NRXN3: variants seen among roughly 807,000 people sequenced by gnomAD.
The protein encoded by NRXN3 is neurexin 3.
NRXN3 carries 32 observed loss-of-function variants against 137.6 expected under a neutral mutation model. The observed-to-expected ratio is 0.23, with a 90% CI of 0.18 to 0.31. The LOEUF is 0.31. Among genes scored for constraint, NRXN3 ranks in the 10% least tolerant of loss-of-function variants. The probability of loss-of-function intolerance (pLI) is 1.00; values close to 1 mark genes in which losing one functional copy is unlikely to be tolerated. For synonymous variants in NRXN3, 798 were observed against 784.5 expected, an observed-to-expected ratio of 1.02 and a Z score of -0.29; for missense variants, 1,574 against 2,062.5, an observed-to-expected ratio of 0.76 and a Z score of 4.59.
At chr14:79,712,968 T>C (rs1478255043) in intron 19 of NRXN3, among the ~76,000 whole-genome samples, 1 of 152,280 alleles carries the variant, frequency 6.6e-6, no homozygotes, top group East Asian at 1.9e-4. Flanking sequence ...AGTAAAATCA[T>C]TGAGACATTG....
intron 15 of NRXN3, among the ~76,000 whole-genome samples, chr14:79,175,788 C>G (rs1430242890): frequency 6.6e-6 from 1 of 152,220 alleles, no homozygotes; most frequent in African/African-American, 2.4e-5. Flanking sequence ...CTTCTGGGTT[C>G]TGTTGCTGGC....
chr14:78,850,995 A>G (rs915226451), intron 10 of NRXN3, among the ~76,000 whole-genome samples: 1 of 152,134 alleles, frequency 6.6e-6, no homozygotes, highest in African/African-American at 2.4e-5. Context: ...AAGATTCTGT[A>G]TTTATTCTCT....
chr14:78,656,435 A>G (rs1160550677), intron 6 of NRXN3, among the ~76,000 whole-genome samples: 8 of 152,156 alleles, frequency 5.3e-5, no homozygotes, highest in Admixed American at 5.2e-4. Context: ...GAGGTAGAGC[A>G]TGTTCTGGTG....
rs1199035026 is a variant in NRXN3, at chr14:78,428,517, C to G, written c.757+130657C>G. The stretch of plus-strand genomic sequence containing the variant: ...TAGGATGTGTATGTATAATATGCCT[C>G]TCTCCTATTGAGAGAGAGTGAAAGA... On this transcript the variant is annotated intron_variant, in intron 4 of 20. Coordinates refer to ENST00000335750, the MANE Select transcript of NRXN3 (RefSeq NM_001330195.2). Among the ~76,000 whole-genome samples the G allele has an allele frequency of 2.0e-5, 3 of 152,276 alleles. No homozygotes were observed. The East Asian group carries it at 5.8e-4, about 29-fold the overall frequency.
At chr14:78,962,934 G>A (rs566792951) in intron 11 of NRXN3, among the ~76,000 whole-genome samples, 4 of 151,996 alleles carry the variant, frequency 2.6e-5, no homozygotes, top group Admixed American at 6.6e-5. Flanking sequence ...GGATGGTCTC[G>A]ATCTCCTGAC....
chr14:78,986,953 G>A (rs2099507742), intron 14 of NRXN3, among the ~76,000 whole-genome samples: 1 of 149,746 alleles, frequency 6.7e-6, no homozygotes, highest in Non-Finnish European at 1.5e-5. Context: ...AAGCTGGGAG[G>A]TGGAGATTGC....
intron 15 of NRXN3, among the ~76,000 whole-genome samples, chr14:79,234,293 A>AATATATATATATATAT (rs71131687): frequency 1.8e-5 from 1 of 56,188 alleles, no homozygotes. Flanking sequence ...TTCAATGGTA[A>AATATATATATATATAT]ATATATATAT....
intron 16 of NRXN3, among the ~76,000 whole-genome samples, chr14:79,545,959 A>G (rs1481469635): frequency 2.0e-5 from 3 of 151,902 alleles, no homozygotes; most frequent in Non-Finnish European, 4.4e-5. Flanking sequence ...GGGGGTAGGT[A>G]TTTCCCAGGG....
At chr14:78,640,590 G>A (rs1161537333) in intron 4 of NRXN3, among the ~76,000 whole-genome samples, 2 of 152,106 alleles carry the variant, frequency 1.3e-5, no homozygotes, top group Non-Finnish European at 2.9e-5. Flanking sequence ...TGTCTTTTAG[G>A]GGGAAAGAAG....
intron 14 of NRXN3, among the ~76,000 whole-genome samples, chr14:78,977,534 C>A (rs1291277966): frequency 6.6e-6 from 1 of 152,022 alleles, no homozygotes; most frequent in African/African-American, 2.4e-5. Flanking sequence ...GATTGTGTAT[C>A]ACTTTGAAAA....
intron 4 of NRXN3, among the ~76,000 whole-genome samples, chr14:78,588,707 T>G (rs1009719678): frequency 7.2e-5 from 11 of 152,228 alleles, no homozygotes; most frequent in African/African-American, 2.7e-4. Context: ...AATCTACATC[T>G]GTGAAGCATC....
At chr14:79,155,152 C>T (rs1253593868) in intron 15 of NRXN3, among the ~76,000 whole-genome samples, 1 of 151,890 alleles carries the variant, frequency 6.6e-6, no homozygotes, top group Non-Finnish European at 1.5e-5. Context: ...CTTCCTTCAT[C>T]AATGGTGGAG....
intron 17 of NRXN3, among the ~76,000 whole-genome samples, chr14:79,679,778 T>G (rs527675000): frequency 5.9e-5 from 9 of 152,340 alleles, no homozygotes; most frequent in African/African-American, 2.2e-4. Context: ...TTGTGGATAA[T>G]TTTACATAAT....
chr14:79,823,338 A>AGAATT (rs2099278516), intron 20 of NRXN3, among the ~76,000 whole-genome samples: 1 of 152,334 alleles, frequency 6.6e-6, no homozygotes, highest in East Asian at 1.9e-4. Flanking sequence ...ATCAGGTGTA[A>AGAATT]GAATTGTATT....
At chr14:79,095,646 G>A (rs1392540410) in intron 15 of NRXN3, among the ~76,000 whole-genome samples, 1 of 119,438 alleles carries the variant, frequency 8.4e-6, no homozygotes, top group South Asian at 3.2e-4. Context: ...TACCTATAAT[G>A]TCTAGAAAAT....
chr14:78,968,217 C>G lies in NRXN3; in HGVS notation c.3013C>G (p.Leu1005Val). ...TCTGGCCCAAGGCATGTACAGCAAC[C>G]TCCCAAAGCTCGTGGCCTCTCGAGA... ...AGLAQGMYSN[L>V]PKLVASRDGF... Residue 1005 changes from leucine (L) to valine (V), a missense_variant, in exon 14 of 21, where the codon CTC becomes GTC. By Grantham distance (32) the Leu-to-Val change is conservative. Transcript: ENST00000335750. 6.2e-7 allele frequency: 1 copy of G among 1,614,006 alleles called. No homozygotes were observed. Among genetic ancestry groups the G allele is most frequent in the South Asian group, 1.1e-5 (1 of 91,074 alleles).
At chr14:79,512,108 A>G (rs1207432156) in intron 16 of NRXN3, among the ~76,000 whole-genome samples, 1 of 152,194 alleles carries the variant, frequency 6.6e-6, no homozygotes, top group African/African-American at 2.4e-5. Flanking sequence ...CATGTTGGTC[A>G]GGCTGATCTT....
intron 16 of NRXN3, among the ~76,000 whole-genome samples, chr14:79,511,821 A>G (rs2096935277): frequency 6.6e-6 from 1 of 152,248 alleles, no homozygotes; most frequent in African/African-American, 2.4e-5. Context: ...AAAAAACATT[A>G]TTAAACAAAC....
chr14:78,471,951 T>G (rs1449405685), intron 4 of NRXN3, among the ~76,000 whole-genome samples: 2 of 152,200 alleles, frequency 1.3e-5, no homozygotes, highest in African/African-American at 4.8e-5. Context: ...TTTCTGATTT[T>G]GGTTAGGAAG....
Sources: allele counts gnomAD v4.1 joint callset (sites outside exome capture counted in the v4.1 genomes callset), GRCh38; gene constraint gnomAD v4.1.1; transcripts MANE v1.5; gene names NCBI Gene and HGNC (gene_info 2026-07-23, HGNC 2026-07-21).